The following GNG7 variants were observed in gnomAD, a reference collection of about 807,000 sequenced individuals.
GNG7 encodes the protein guanine nucleotide-binding protein G(I)/G(S)/G(O) subunit gamma-7.
In GNG7, 1 loss-of-function variant was observed where a neutral mutation model predicts 4.0. That is an observed-to-expected ratio of 0.25 (90% CI 0.09 to 1.18). The LOEUF (loss-of-function observed/expected upper bound fraction) is 1.18. GNG7 is among the 50% of genes most tolerant of loss of function. The pLI, the probability that GNG7 is intolerant of heterozygous loss-of-function variation, is 0.50. For synonymous variants in GNG7, 34 were observed against 36.9 expected (o/e 0.92, Z 0.29); for missense variants, 86 against 91.9 (o/e 0.94, Z 0.26).
intron 3 of GNG7, among the ~76,000 whole-genome samples, chr19:2,550,911 G>T (rs1979296899): frequency 6.6e-6 from 1 of 152,198 alleles, no homozygotes; most frequent in African/African-American, 2.4e-5. Flanking sequence ...TCAGTGGTGG[G>T]GATGGCCCGG....
chr19:2,512,252 G>A lies in GNG7; in HGVS notation c.*2770C>T, dbSNP rs1435069925. On this transcript the variant is annotated 3_prime_UTR_variant, in exon 5 of 5. Transcript: ENST00000382159. This position sits in a 1 kb window ranked among gnomAD's most constrained non-coding sequence, Gnocchi z 4.7. ...GCCCATAAAACATGCGTTCACCCCA[G>A]GGATTCCCGGCAGAAAAGCACATGT... is the stretch of plus-strand genomic sequence containing the variant. The A allele has an allele frequency of 1.8e-5, 18 of 985,920 alleles. No homozygotes were observed. The South Asian group carries it at 4.2e-4, about 23-fold the overall frequency. The allele number at this position is 985,920 out of a possible 1,614,324, so 61.1% of individuals were successfully genotyped here.
intron 3 of GNG7, among the ~76,000 whole-genome samples, chr19:2,550,827 A>G (rs1979293925): frequency 6.6e-6 from 1 of 152,130 alleles, no homozygotes; most frequent in African/African-American, 2.4e-5. Context: ...GGAGCAGTGG[A>G]CCTGGCCTGC....
intron 3 of GNG7, among the ~76,000 whole-genome samples, chr19:2,553,665 GTTA>G (rs1979428574): frequency 1.5e-5 from 2 of 129,198 alleles, no homozygotes; most frequent in African/African-American, 6.9e-5. Flanking sequence ...ACATGCACAC[GTTA>G]CATGTAATAT....
In GNG7 at chr19:2,557,278, GAC is replaced by G. The variant is rs1979589151; in HGVS notation, c.-77-2092_-77-2091del. ...ACGTGCACACACATTTGCACACACA[GAC>G]ACGTGCACACACAGAGGTGCACATA... On this transcript the variant is annotated intron_variant, in intron 2 of 4. Transcript: ENST00000382159. The surrounding 1 kb of genome is among the most constrained non-coding windows in gnomAD (Gnocchi z 5.1). 6.8e-6 allele frequency among the ~76,000 whole-genome samples: 1 copy of G among 147,710 alleles called. No homozygotes were observed. The highest frequency in any genetic ancestry group is 2.6e-5 in the African/African-American group (1 of 38,730).
chr19:2,594,851 C>T (rs1033753593), intron 2 of GNG7, among the ~76,000 whole-genome samples: 1 of 151,928 alleles, frequency 6.6e-6, no homozygotes, highest in African/African-American at 2.4e-5. Flanking sequence ...GGCGTGGTGG[C>T]TCACGTCTGT....
intron 1 of GNG7, among the ~76,000 whole-genome samples, chr19:2,651,245 TTTCCTTCCTTCC>T (rs1229197006): frequency 4.6e-5 from 4 of 87,212 alleles, no homozygotes; most frequent in African/African-American, 1.1e-4. Flanking sequence ...CCTTCCTTCC[TTTCCTTCCTTCC>T]TTCCTTCCTT....
intron 1 of GNG7, among the ~76,000 whole-genome samples, chr19:2,673,373 A>T (rs968917946): frequency 1.3e-5 from 2 of 151,614 alleles, no homozygotes; most frequent in African/African-American, 4.8e-5. Flanking sequence ...AGTCAATGGC[A>T]TGTGGGTTCC....
In GNG7 at chr19:2,538,493, T is replaced by C. The variant is rs148730053; in HGVS notation, c.-38+16656A>G. Reference sequence around the variant, plus strand: ...AAAAAAAAAAAAAATTAGCCTGGCATGGTGGTGCACACCTGTAGTTCCAGC... The same window carrying C: ...AAAAAAAAAAAAAATTAGCCTGGCACGGTGGTGCACACCTGTAGTTCCAGC... On this transcript the variant is annotated intron_variant, in intron 3 of 4. Transcript: ENST00000382159. Among the ~76,000 whole-genome samples, 829 of 148,264 alleles carry C rather than the reference T, an allele frequency of 5.6e-3. 8 individuals carry two copies. The highest frequency in any genetic ancestry group is 0.02 in the African/African-American group (802 of 40,394).
chr19:2,567,132 C>CAA (rs146646976), intron 2 of GNG7, among the ~76,000 whole-genome samples: 10 of 139,022 alleles, frequency 7.2e-5, no homozygotes, highest in African/African-American at 2.4e-4. Flanking sequence ...ACAAAAAAAA[C>CAA]AAAAAAAAAA....
At chr19:2,640,813 G>A (rs1038046695) in intron 2 of GNG7, among the ~76,000 whole-genome samples, 3 of 152,044 alleles carry the variant, frequency 2.0e-5, no homozygotes, top group East Asian at 1.9e-4. Flanking sequence ...TTTTTTTGTA[G>A]AGATGGGGTC....
At chr19:2,601,412 G>A (rs540891810) in intron 2 of GNG7, among the ~76,000 whole-genome samples, 182 of 152,224 alleles carry the variant, frequency 1.2e-3, no homozygotes, top group African/African-American at 4.1e-3. Flanking sequence ...GCCACGGCGC[G>A]GCTCGTGCCT....
At position 2,655,020 on chromosome 19, in the gene GNG7, C is replaced by A. The variant is rs1982929559; in HGVS notation, c.-134-8740G>T. Among the ~76,000 whole-genome samples, 3 of 152,100 alleles carry A rather than the reference C, an allele frequency of 2.0e-5. No homozygotes were observed. In the South Asian group the frequency reaches 6.2e-4, roughly 32 times the overall value. ...TGGACCACATAGCAAGACCCCATCT[C>A]TACAAAAAAAATTTTAAAACATAGC... is the stretch of plus-strand genomic sequence containing the variant. On this transcript the variant is annotated intron_variant, in intron 1 of 4. Coordinates refer to ENST00000382159, the MANE Select transcript of GNG7 (RefSeq NM_052847.3).
Position 2,513,236 on chromosome 19 carries a change from G to T in GNG7, c.*1786C>A, listed in dbSNP as rs975536909. The stretch of plus-strand genomic sequence containing the variant: ...GGATCCCCGCCTCACGGGCCTGCAC[G>T]GAGGACCTGGGCGGCCGTCCAGGAA... On this transcript the variant is annotated 3_prime_UTR_variant, in exon 5 of 5. Coordinates refer to ENST00000382159, the MANE Select transcript of GNG7 (RefSeq NM_052847.3). 2.9e-6 allele frequency: 2 copies of T among 696,626 alleles called. No individual in the cohort carries two copies. The highest frequency in any genetic ancestry group is 3.5e-6 in the Non-Finnish European group (2 of 566,230). 43.2% of individuals were successfully genotyped at this position (696,626 alleles called of 1,614,324 possible).
intron 1 of GNG7, among the ~76,000 whole-genome samples, chr19:2,672,877 C>G (rs1983491268): frequency 6.6e-6 from 1 of 152,162 alleles, no homozygotes; most frequent in South Asian, 2.1e-4. Context: ...TCCCCAGAGC[C>G]CTGAACCCCA....
chr19:2,683,425 T>C (rs1983792808), intron 1 of GNG7: 1 of 152,070 alleles, frequency 6.6e-6, no homozygotes, highest in South Asian at 2.1e-4. Flanking sequence ...AAAAAGACTA[T>C]TTTCCCCGGA....
intron 3 of GNG7, among the ~76,000 whole-genome samples, chr19:2,541,124 C>T (rs112743398): frequency 1.8e-4 from 28 of 152,318 alleles, no homozygotes; most frequent in African/African-American, 5.1e-4. Context: ...CGGGAGCTAC[C>T]GAGGGTTCCT....
At chr19:2,527,373 T>C (rs941841262) in intron 3 of GNG7, among the ~76,000 whole-genome samples, 25 of 152,090 alleles carry the variant, frequency 1.6e-4, no homozygotes, top group African/African-American at 6.0e-4. Context: ...GTGTCGCGCA[T>C]CCCTCCAGGA....
chr19:2,545,035 G>A (rs1162757103), intron 3 of GNG7, among the ~76,000 whole-genome samples: 1 of 152,152 alleles, frequency 6.6e-6, no homozygotes, highest in Admixed American at 6.5e-5. Context: ...CTCCCAGCTC[G>A]GTGTGGATTT....
chr19:2,687,468 TAGCC>T (rs1225924112), intron 1 of GNG7, among the ~76,000 whole-genome samples: 1 of 149,642 alleles, frequency 6.7e-6, no homozygotes, highest in Non-Finnish European at 1.5e-5. Context: ...AATACAAAAT[TAGCC>T]AGGCATGGTG....
Sources: allele counts gnomAD v4.1 joint callset (sites outside exome capture counted in the v4.1 genomes callset), GRCh38; gene constraint gnomAD v4.1.1; non-coding constraint Gnocchi (gnomAD v3.1); transcripts MANE v1.5; gene names NCBI Gene and HGNC (gene_info 2026-07-23, HGNC 2026-07-21).